Variants in COL4A1 observed in about 807,000 individuals in gnomAD.
COL4A1 encodes the protein collagen alpha-1(IV) chain.
Under a neutral mutation model 216.6 loss-of-function variants are expected in COL4A1, and 40 were observed. The observed-to-expected ratio is 0.18, with a 90% CI of 0.14 to 0.24. The LOEUF (loss-of-function observed/expected upper bound fraction) is 0.24, where lower values mean the gene tolerates loss of function less well. COL4A1 is among the 10% of genes least tolerant of loss of function. The pLI, the probability that COL4A1 is intolerant of heterozygous loss-of-function variation, is 1.00. For synonymous variants in COL4A1, 839 were observed against 810.7 expected (o/e 1.03, Z -0.59); for missense variants, 1,628 against 2,196.8 (o/e 0.74, Z 5.18).
intron 49 of COL4A1, among the ~76,000 whole-genome samples, chr13:110,159,731 A>G (rs1246444711): frequency 6.6e-6 from 1 of 152,260 alleles, no homozygotes; most frequent in Non-Finnish European, 1.5e-5. Flanking sequence ...ATGGAGAAAC[A>G]AAACGTGGCA....
At chr13:110,272,115 A>G (rs1261437591) in intron 1 of COL4A1, among the ~76,000 whole-genome samples, 1 of 152,226 alleles carries the variant, frequency 6.6e-6, no homozygotes, top group East Asian at 1.9e-4. Flanking sequence ...TAAAACAAAA[A>G]AAGTTTCTCC....
intron 32 of COL4A1, 23 bp downstream of exon 32, chr13:110,178,041 G>C (rs191859871): frequency 1.2e-6 from 2 of 1,614,124 alleles, no homozygotes; most frequent in Admixed American, 3.3e-5. Flanking sequence ...ATGGATCCAG[G>C]CAGAAGTTCA....
rs1161178743 is a variant in COL4A1, at chr13:110,210,218, G to T, written c.469-6C>A. 6.2e-7 allele frequency: 1 copy of T among 1,612,938 alleles called. No individual in the cohort carries two copies. The highest frequency in any genetic ancestry group is 8.5e-7 in the Non-Finnish European group (1 of 1,179,746). The stretch of plus-strand genomic sequence containing the variant: ...AGTATCTCACCTGGATCACCCTAGA[G>T]GATGAAGAAAGAAAATAGAAAGTTG... On this transcript the variant is annotated splice_polypyrimidine_tract_variant and splice_region_variant and intron_variant, in intron 8 of 51. Coordinates refer to ENST00000375820, the MANE Select transcript of COL4A1 (RefSeq NM_001845.6).
intron 1 of COL4A1, among the ~76,000 whole-genome samples, chr13:110,288,274 A>C (rs9521682): frequency 7.2e-6 from 1 of 139,458 alleles, no homozygotes; most frequent in East Asian, 2.1e-4. Context: ...AAAAAAAAAA[A>C]AATAATAATA....
chr13:110,224,692 G>A (rs746783840), intron 2 of COL4A1, among the ~76,000 whole-genome samples: 8 of 152,172 alleles, frequency 5.3e-5, no homozygotes, highest in East Asian at 1.9e-4. Context: ...CTGAGGGTTC[G>A]AAAGACATGT....
intron 21 of COL4A1, among the ~76,000 whole-genome samples, chr13:110,196,684 A>G (rs907041352): frequency 6.6e-6 from 1 of 152,238 alleles, no homozygotes; most frequent in Non-Finnish European, 1.5e-5. Flanking sequence ...GAGGAGTTCT[A>G]AAGTGCAAAT....
intron 1 of COL4A1, among the ~76,000 whole-genome samples, chr13:110,272,750 A>G (rs1273675001): frequency 6.6e-6 from 1 of 152,216 alleles, no homozygotes; most frequent in African/African-American, 2.4e-5. Flanking sequence ...ACAGTGAGAC[A>G]AGGCAGAAGT....
chr13:110,163,115 A>G (rs1186318298), intron 47 of COL4A1, among the ~76,000 whole-genome samples: 1 of 152,232 alleles, frequency 6.6e-6, no homozygotes, highest in Non-Finnish European at 1.5e-5. Flanking sequence ...CCTTTGGGCC[A>G]ATGCTGGCAT....
intron 42 of COL4A1, 88 bp downstream of exon 42, chr13:110,170,459 T>C (rs530266353): frequency 1.5e-5 from 21 of 1,399,462 alleles, no homozygotes; most frequent in Non-Finnish European, 2.0e-5. Flanking sequence ...AAAAGCCCAA[T>C]TGAGAATTTA....
At chr13:110,305,586 T>G (rs995058570) in intron 1 of COL4A1, among the ~76,000 whole-genome samples, 1 of 152,228 alleles carries the variant, frequency 6.6e-6, no homozygotes. Context: ...CAAAATAAAG[T>G]GCTCTCAAGC....
chr13:110,295,010 T>G (rs1884214437), intron 1 of COL4A1, among the ~76,000 whole-genome samples: 1 of 152,228 alleles, frequency 6.6e-6, no homozygotes, highest in Non-Finnish European at 1.5e-5. Flanking sequence ...TTTGTGAAGT[T>G]AGATTACAGT....
chr13:110,169,945 G>GAGGGAGGT (rs1877536430), intron 42 of COL4A1, among the ~76,000 whole-genome samples, 183 bp from the exon 43 acceptor site: 2 of 137,196 alleles, frequency 1.5e-5, no homozygotes, highest in Non-Finnish European at 1.6e-5. Flanking sequence ...GGGAGGGAGG[G>GAGGGAGGT]AATAGAAACA....
intron 1 of COL4A1, among the ~76,000 whole-genome samples, chr13:110,279,335 T>C (rs916814577): frequency 2.0e-5 from 3 of 152,216 alleles, no homozygotes; most frequent in Admixed American, 2.0e-4. Flanking sequence ...TTCTCAGTGA[T>C]GCTTCCCAGT....
intron 1 of COL4A1, among the ~76,000 whole-genome samples, chr13:110,252,032 A>G (rs1882093674): frequency 6.6e-6 from 1 of 152,038 alleles, no homozygotes; most frequent in South Asian, 2.1e-4. Flanking sequence ...TAAATAAATT[A>G]CTTTTTTTTG....
intron 24 of COL4A1, 100 bp from the exon 25 acceptor site, chr13:110,187,429 T>C: frequency 1.4e-6 from 2 of 1,388,502 alleles, no homozygotes; most frequent in African/African-American, 1.4e-5. Flanking sequence ...AGCCACCTTC[T>C]TGAAAATGGT....
At chr13:110,243,844 C>T (rs1206946308) in intron 1 of COL4A1, among the ~76,000 whole-genome samples, 1 of 152,208 alleles carries the variant, frequency 6.6e-6, no homozygotes, top group Non-Finnish European at 1.5e-5. Context: ...TTTATTATAA[C>T]ACGCTAGGAC....
chr13:110,277,053 T>C (rs1883458030), intron 1 of COL4A1, among the ~76,000 whole-genome samples: 1 of 152,224 alleles, frequency 6.6e-6, no homozygotes, highest in South Asian at 2.1e-4. Flanking sequence ...CTGACCTCAG[T>C]AGACATCTGG....
At chr13:110,285,479 C>T (rs1351156274) in intron 1 of COL4A1, among the ~76,000 whole-genome samples, 3 of 152,192 alleles carry the variant, frequency 2.0e-5, no homozygotes, top group Non-Finnish European at 4.4e-5. Flanking sequence ...AGCACTTGAG[C>T]TAAGCTACTG....
rs753843103 is a variant in COL4A1, at chr13:110,169,613, CA to C, written c.3876+15del. On this transcript the variant is annotated intron_variant, in intron 43 of 51. Coordinates refer to ENST00000375820, the MANE Select transcript of COL4A1 (RefSeq NM_001845.6). ...AGACTCCTTTAAAAATAAAAATCTA[CA>C]AATCAATAACTCACAGGCATGCCCT... 1.2e-6 allele frequency: 2 copies of C among 1,613,538 alleles called. No homozygotes were observed. Among genetic ancestry groups the C allele is most frequent in the Admixed American group, 3.3e-5 (2 of 59,976 alleles).
Sources: gnomAD v4.1 joint callset for allele counts (sites outside exome capture counted in the v4.1 genomes callset) on GRCh38, gnomAD v4.1.1 for gene constraint, MANE v1.5 for transcripts, NCBI Gene and HGNC (gene_info 2026-07-23, HGNC 2026-07-21) for gene names.